PRIMPOL: variants seen among roughly 807,000 people sequenced by gnomAD.
The protein encoded by PRIMPOL is primase and DNA directed polymerase, also known as DNA-directed primase/polymerase protein.
In PRIMPOL, 54 loss-of-function variants were observed where a neutral mutation model predicts 63.6. The observed-to-expected ratio is 0.85, with a 90% CI of 0.68 to 1.07. The LOEUF (loss-of-function observed/expected upper bound fraction) is 1.07, where lower values mean the gene tolerates loss of function less well. Among genes scored for constraint, PRIMPOL ranks in the 50% least tolerant of loss-of-function variants. PRIMPOL has a pLI of 0.00. For missense variants in PRIMPOL, 610 were observed against 648.3 expected (o/e 0.94, Z 0.64); for synonymous variants, 197 against 220.2 (o/e 0.89, Z 0.93).
At position 184,655,002 on chromosome 4, in the gene PRIMPOL, T is replaced by TC. The variant is rs557164932; in HGVS notation, c.-59-2077dup. On this transcript the variant is annotated intron_variant, in intron 2 of 13. Coordinates refer to ENST00000314970, the MANE Select transcript of PRIMPOL (RefSeq NM_152683.4). ...TTTCTAACAAGGTCATGATGTACTA[T>TC]CCCTTTTTTTTTTCTTTTCTTTTGA... is the stretch of plus-strand genomic sequence containing the variant. Among the ~76,000 whole-genome samples, 1,240 of 152,012 alleles carry TC rather than the reference T, an allele frequency of 8.2e-3. 17 individuals carry two copies. Among genetic ancestry groups the TC allele is most frequent in the African/African-American group, 0.028 (1,176 of 41,444 alleles).
rs1760121186 is a variant in PRIMPOL at position 184,694,674 on chromosome 4, T to C, written c.1578T>C (p.Thr526=). The change falls in exon 14 of 14, where the codon ACT becomes ACC. Residue 526 remains threonine (T), a synonymous_variant. Transcript: ENST00000314970. The stretch of plus-strand genomic sequence containing the variant: ...ATGATGCTTATTTTTTAGAAGCTAC[T>C]GAAGATGCTGAATTAGCTGAAGCTG... ...GIDDAYFLEA[T]EDAELAEAAE... 6.2e-7 allele frequency: 1 copy of C among 1,614,086 alleles called. No homozygotes were observed. Among genetic ancestry groups the C allele is most frequent in the African/African-American group, 1.3e-5 (1 of 74,932 alleles).
intron 6 of PRIMPOL, among the ~76,000 whole-genome samples, chr4:184,669,060 A>G (rs1466044214): frequency 2.0e-5 from 3 of 152,118 alleles, no homozygotes; most frequent in African/African-American, 7.2e-5. Context: ...TGGTCTGTTC[A>G]CCTGGTCCTC....
At chr4:184,671,311 G>A (rs754803007) in intron 6 of PRIMPOL, among the ~76,000 whole-genome samples, 4 of 152,148 alleles carry the variant, frequency 2.6e-5, no homozygotes, top group East Asian at 1.9e-4. Context: ...TTTGCAGGGC[G>A]TGTCGTGGCA....
At chr4:184,665,482 TA>T (rs200942004) in intron 5 of PRIMPOL, among the ~76,000 whole-genome samples, 7,216 of 149,618 alleles carry the variant, frequency 0.048, 230 homozygotes, top group Middle Eastern at 0.083. Context: ...TTAAAACCAT[TA>T]AAAAAAATGA....
At chr4:184,666,145 C>A in intron 6 of PRIMPOL, 81 bp downstream of exon 6, 3 of 1,134,732 alleles carry the variant, frequency 2.6e-6, no homozygotes, top group Non-Finnish European at 3.7e-6. Context: ...TTTGTGTGTA[C>A]TTATCAAGTT....
intron 8 of PRIMPOL, 72 bp downstream of exon 8, chr4:184,678,466 A>G (rs1378599372): frequency 9.3e-7 from 1 of 1,080,614 alleles, no homozygotes; most frequent in Non-Finnish European, 1.3e-6. Flanking sequence ...ATTGTATATT[A>G]CTAAAATGTA....
intron 13 of PRIMPOL, among the ~76,000 whole-genome samples, chr4:184,692,992 G>A (rs917979867): frequency 6.6e-6 from 1 of 152,090 alleles, no homozygotes; most frequent in Non-Finnish European, 1.5e-5. Context: ...CTTTTAAATT[G>A]TAGTTTGTGT....
chr4:184,650,786 G>T (rs1744104667), intron 1 of PRIMPOL, among the ~76,000 whole-genome samples: 1 of 152,200 alleles, frequency 6.6e-6, no homozygotes, highest in Admixed American at 6.5e-5. Flanking sequence ...CCATGGCAGA[G>T]CCTGTTTCTA....
intron 5 of PRIMPOL, among the ~76,000 whole-genome samples, chr4:184,662,526 A>G (rs1034178947): frequency 5.3e-5 from 8 of 152,208 alleles, no homozygotes; most frequent in East Asian, 1.9e-4. Flanking sequence ...AATAAAAGGA[A>G]TAGCATGGAC....
chr4:184,680,457 G>A (rs1485637452), intron 8 of PRIMPOL, among the ~76,000 whole-genome samples: 1 of 152,186 alleles, frequency 6.6e-6, no homozygotes, highest in African/African-American at 2.4e-5. Flanking sequence ...CAAAGTGCTG[G>A]GATTACAGGC....
chr4:184,692,693 A>T lies in PRIMPOL; in HGVS notation c.1425+981A>T, dbSNP rs77487158. Among the ~76,000 whole-genome samples, 36 of 151,958 alleles carry T rather than the reference A, an allele frequency of 2.4e-4. No individual in the cohort carries two copies. In the East Asian group the frequency reaches 6.8e-3, roughly 29 times the overall value. On this transcript the variant is annotated intron_variant, in intron 13 of 13. Transcript: ENST00000314970. ...CTAAAGTATCACAAATATTTTTAGT[A>T]CCTATTATCAAATTGCTCTCCATAA...
At chr4:184,685,060 C>T (rs553819505) in intron 9 of PRIMPOL, among the ~76,000 whole-genome samples, 6 of 152,014 alleles carry the variant, frequency 3.9e-5, no homozygotes, top group Non-Finnish European at 7.4e-5. Flanking sequence ...GGAGAATGCC[C>T]GGCTGAGGTA....
At chr4:184,654,121 G>A (rs183099455) in intron 2 of PRIMPOL, among the ~76,000 whole-genome samples, 1 of 152,090 alleles carries the variant, frequency 6.6e-6, no homozygotes, top group Non-Finnish European at 1.5e-5. Context: ...ACATACTCCC[G>A]TGGTCCTACC....
In PRIMPOL at chr4:184,672,325, A is replaced by G; in HGVS notation, c.709A>G (p.Lys237Glu). The change falls in exon 7 of 14, where the codon AAG (lysine) becomes GAG (glutamate). Residue 237 changes from lysine to glutamate, a missense_variant. Coordinates refer to ENST00000314970, the MANE Select transcript of PRIMPOL (RefSeq NM_152683.4). ...TTCTTTCAATAAAATGTTCACAGAA[A>G]AGGCTACAGAGGAAAGCTGGACATC... ...GFSFNKMFTE[K>E]ATEESWTSNS... The G allele has an allele frequency of 1.2e-6, 2 of 1,614,190 alleles. No individual in the cohort carries two copies. Among genetic ancestry groups the G allele is most frequent in the Non-Finnish European group, 1.7e-6 (2 of 1,180,038 alleles).
intron 6 of PRIMPOL, among the ~76,000 whole-genome samples, chr4:184,667,708 A>G (rs956253055): frequency 2.1e-4 from 32 of 152,186 alleles, no homozygotes; most frequent in Admixed American, 7.9e-4. Flanking sequence ...CTAGCACGCA[A>G]GTCCCTCCCC....
chr4:184,678,525 C>CTTTTTTT (rs767532493), intron 8 of PRIMPOL, 131 bp downstream of exon 8: 1 of 307,538 alleles, frequency 3.3e-6, no homozygotes. Context: ...TCTTACAGCT[C>CTTTTTTT]TTTTTTTTTT....
At chr4:184,691,102 CCTT>C (rs1222536714) in intron 11 of PRIMPOL, among the ~76,000 whole-genome samples, 2 of 151,226 alleles carry the variant, frequency 1.3e-5, no homozygotes, top group African/African-American at 4.9e-5. Flanking sequence ...TTTTCTGTAT[CCTT>C]ATTGGACCTT....
intron 4 of PRIMPOL, among the ~76,000 whole-genome samples, chr4:184,661,320 C>G (rs1228369327): frequency 1.3e-5 from 2 of 152,160 alleles, no homozygotes; most frequent in Non-Finnish European, 2.9e-5. Flanking sequence ...GTGAACAGTT[C>G]ATTTTATCAT....
chr4:184,690,333 A>G (rs533772708), intron 11 of PRIMPOL, among the ~76,000 whole-genome samples: 3 of 144,626 alleles, frequency 2.1e-5, no homozygotes, highest in East Asian at 3.9e-4. Context: ...TTAATTTCTA[A>G]TAACATTTGT....
Sources: allele counts gnomAD v4.1 joint callset (sites outside exome capture counted in the v4.1 genomes callset), GRCh38; gene constraint gnomAD v4.1.1; transcripts MANE v1.5; gene names NCBI Gene and HGNC (gene_info 2026-07-23, HGNC 2026-07-21).